DLC1: variants seen among roughly 807,000 people sequenced by gnomAD.
The protein encoded by DLC1 is DLC1 Rho GTPase activating protein, also known as rho GTPase-activating protein 7.
DLC1 carries 54 observed loss-of-function variants against 140.3 expected under a neutral mutation model. That is an observed-to-expected ratio of 0.38 (90% confidence interval 0.31 to 0.48). The LOEUF (loss-of-function observed/expected upper bound fraction) is 0.48, where lower values mean the gene tolerates loss of function less well. Ranked by LOEUF, DLC1 falls within the 20% of genes least tolerant of loss-of-function variation. DLC1 has a pLI of 0.96. For missense variants in DLC1, 2,536 were observed against 1,907.0 expected, an observed-to-expected ratio of 1.33 and a Z score of -6.14; for synonymous variants, 986 against 728.1, an observed-to-expected ratio of 1.35 and a Z score of -5.70.
chr8:13,502,848 A>C (rs140279103), intron 1 of DLC1, among the ~76,000 whole-genome samples: 4 of 152,340 alleles, frequency 2.6e-5, no homozygotes, highest in African/African-American at 9.6e-5. Flanking sequence ...GGAAAATTGT[A>C]GGTCATTTCA....
In DLC1 at chr8:13,466,899, T is replaced by C. The variant is rs566801117; in HGVS notation, c.1023+32150A>G. 1.0e-3 allele frequency among the ~76,000 whole-genome samples: 152 copies of C among 152,148 alleles called. 1 individual carries two copies. Among genetic ancestry groups the C allele is most frequent in the Admixed American group, 1.9e-3 (29 of 15,282 alleles). ...GTAGACTGGCAATAACTGAAAAGTC[T>C]AATACATCAAATGTCAGAGTCAGTT... On this transcript the variant is annotated intron_variant, in intron 2 of 17. Coordinates refer to ENST00000276297, the MANE Select transcript of DLC1 (RefSeq NM_182643.3).
At chr8:13,198,171 G>A (rs1026936107) in intron 5 of DLC1, among the ~76,000 whole-genome samples, 6 of 152,170 alleles carry the variant, frequency 3.9e-5, no homozygotes, top group African/African-American at 1.4e-4. Context: ...AGTCTTAGAA[G>A]AAAGTGACGA....
chr8:13,275,901 C>A (rs1354180579), intron 5 of DLC1, among the ~76,000 whole-genome samples: 3 of 152,168 alleles, frequency 2.0e-5, no homozygotes, highest in Non-Finnish European at 4.4e-5. Context: ...CCGAGACAGC[C>A]CCGAGGATCT....
chr8:13,202,464 T>A (rs1285037443), intron 5 of DLC1, among the ~76,000 whole-genome samples: 32 of 152,176 alleles, frequency 2.1e-4, no homozygotes, highest in Admixed American at 2.1e-3. Context: ...TTTAGGCCAA[T>A]GAACTGGGTC....
intron 4 of DLC1, among the ~76,000 whole-genome samples, chr8:13,361,056 C>T (rs181860496): frequency 1.4e-3 from 218 of 152,120 alleles, no homozygotes; most frequent in Middle Eastern, 0.014. Flanking sequence ...CATGGCGAAA[C>T]CCTGTCTCTA....
intron 2 of DLC1, among the ~76,000 whole-genome samples, chr8:13,472,673 C>G (rs929169239): frequency 3.3e-5 from 5 of 152,176 alleles, no homozygotes; most frequent in Non-Finnish European, 7.4e-5. Context: ...TTAAACAAGA[C>G]TATGCCATTT....
At chr8:13,510,092 A>G (rs560611102) in intron 1 of DLC1, among the ~76,000 whole-genome samples, 6 of 152,220 alleles carry the variant, frequency 3.9e-5, no homozygotes, top group African/African-American at 1.2e-4. Context: ...AGCTGAAACT[A>G]TCTCTTCTAT....
intron 8 of DLC1, 128 bp downstream of exon 8, chr8:13,102,662 T>G: frequency 1.2e-6 from 1 of 818,838 alleles, no homozygotes; most frequent in Non-Finnish European, 2.1e-6. Flanking sequence ...GCGATATCAT[T>G]CAAGATGTAG....
chr8:13,361,985 C>T (rs913041698), intron 4 of DLC1, among the ~76,000 whole-genome samples: 5 of 152,128 alleles, frequency 3.3e-5, no homozygotes, highest in Non-Finnish European at 7.4e-5. Context: ...TTTCCCAAAA[C>T]CAAAGAAATA....
At chr8:13,436,791 AT>A (rs1231595801) in intron 2 of DLC1, among the ~76,000 whole-genome samples, 2 of 151,930 alleles carry the variant, frequency 1.3e-5, no homozygotes, top group Admixed American at 6.6e-5. Context: ...GAATTTATTT[AT>A]TTTTTTTAAT....
chr8:13,393,742 A>C, intron 3 of DLC1, 49 bp from the exon 4 acceptor site: 1 of 1,577,598 alleles, frequency 6.3e-7, no homozygotes, highest in Non-Finnish European at 8.6e-7. Context: ...AATGTTCCCA[A>C]ATGCCCTTCT....
intron 1 of DLC1, among the ~76,000 whole-genome samples, chr8:13,590,757 C>A (rs985460812): frequency 1.3e-5 from 2 of 152,080 alleles, no homozygotes; most frequent in African/African-American, 4.8e-5. Flanking sequence ...CCTAATTATG[C>A]CATTATTTAA....
chr8:13,586,551 A>G (rs1019878597), intron 1 of DLC1, among the ~76,000 whole-genome samples: 3 of 151,046 alleles, frequency 2.0e-5, no homozygotes, highest in African/African-American at 7.3e-5. Flanking sequence ...TTTTAATTAG[A>G]CTTTTTTAAA....
intron 2 of DLC1, among the ~76,000 whole-genome samples, chr8:13,444,719 C>A (rs1050484670): frequency 6.6e-6 from 1 of 152,118 alleles, no homozygotes; most frequent in African/African-American, 2.4e-5. Flanking sequence ...TGTTTTTTAA[C>A]ATTACAAGAA....
intron 5 of DLC1, among the ~76,000 whole-genome samples, chr8:13,168,791 G>C (rs1395663254): frequency 6.6e-6 from 1 of 152,176 alleles, no homozygotes; most frequent in Non-Finnish European, 1.5e-5. Flanking sequence ...ACGGACACAC[G>C]GGTGACCTTC....
intron 7 of DLC1, among the ~76,000 whole-genome samples, chr8:13,104,056 T>A (rs1210281285): frequency 6.6e-6 from 1 of 151,926 alleles, no homozygotes; most frequent in Non-Finnish European, 1.5e-5. Context: ...AATTTTAGAG[T>A]CCTTGCACAG....
At chr8:13,564,974 G>C (rs769577499) in intron 1 of DLC1, among the ~76,000 whole-genome samples, 3 of 152,184 alleles carry the variant, frequency 2.0e-5, no homozygotes, top group Non-Finnish European at 4.4e-5. Context: ...CAGCCCCTGA[G>C]AGATGGCAAG....
Position 13,118,825 on chromosome 8 carries a change from A to AG in DLC1, c.1349-3169_1349-3168insC, listed in dbSNP as rs112402067. 2.8e-3 allele frequency among the ~76,000 whole-genome samples: 423 copies of AG among 152,280 alleles called. 3 individuals carry two copies. The highest frequency in any genetic ancestry group is 9.3e-3 in the African/African-American group (388 of 41,544). On this transcript the variant is annotated intron_variant, in intron 5 of 17. Transcript: ENST00000276297. ...TTAATAAAACTCTGGGTCTGTAAAC[A>AG]ACCCTCTCTTAAGAGAATCTGTCCA...
chr8:13,496,609 C>T (rs542129520), intron 2 of DLC1, among the ~76,000 whole-genome samples: 7 of 151,808 alleles, frequency 4.6e-5, no homozygotes, highest in South Asian at 2.1e-4. Flanking sequence ...CCTACACACA[C>T]ACATTTTGAC....
Sources: allele counts gnomAD v4.1 joint callset (sites outside exome capture counted in the v4.1 genomes callset), GRCh38; gene constraint gnomAD v4.1.1; transcripts MANE v1.5; gene names NCBI Gene and HGNC (gene_info 2026-07-23, HGNC 2026-07-21).